Variants in MNAT1 observed in about 807,000 individuals in gnomAD.
The protein encoded by MNAT1 is CDK-activating kinase assembly factor MAT1.
A neutral mutation model predicts 42.0 loss-of-function variants in MNAT1; 43 were observed. The ratio of observed to expected loss-of-function variants is 1.02; its 90% CI spans 0.80 to 1.32. The LOEUF (loss-of-function observed/expected upper bound fraction) is 1.32, where lower values mean the gene tolerates loss of function less well. Among genes scored for constraint, MNAT1 ranks in the 40% most tolerant of loss-of-function variants. MNAT1 has a pLI of 0.00. For synonymous variants in MNAT1, 118 were observed against 120.0 expected, an observed-to-expected ratio of 0.98 and a Z score of 0.11; for missense variants, 306 against 350.4, an observed-to-expected ratio of 0.87 and a Z score of 1.01.
intron 7 of MNAT1, among the ~76,000 whole-genome samples, chr14:60,906,662 C>G (rs747450275): frequency 1.3e-5 from 2 of 152,034 alleles, no homozygotes; most frequent in African/African-American, 2.4e-5. Context: ...AACAACAAAG[C>G]TGCAAGCAAT....
chr14:60,805,135 A>G (rs78551464), intron 3 of MNAT1, among the ~76,000 whole-genome samples: 1,993 of 152,214 alleles, frequency 0.013, 44 homozygotes, highest in African/African-American at 0.046. Flanking sequence ...AGTAATTATA[A>G]ATGTTGGGTA....
chr14:60,825,970 A>G (rs2033041448), intron 6 of MNAT1, among the ~76,000 whole-genome samples: 1 of 152,200 alleles, frequency 6.6e-6, no homozygotes, highest in Non-Finnish European at 1.5e-5. Flanking sequence ...CTGGAAATAG[A>G]TCCTTTGAGA....
Position 60,927,140 on chromosome 14 carries a change from G to T in MNAT1, c.810-41089G>T, listed in dbSNP as rs4151357. On this transcript the variant is annotated intron_variant, in intron 7 of 7. Coordinates refer to ENST00000261245, the MANE Select transcript of MNAT1 (RefSeq NM_002431.4). ...GTTCAAAAGGAAAACTATATCTTCT[G>T]ACTTGATGTGGGCCTTCTTGAGATA... Among the ~76,000 whole-genome samples the T allele has an allele frequency of 7.3e-3, 1,110 of 152,258 alleles. 14 individuals carry two copies. Among genetic ancestry groups the T allele is most frequent in the African/African-American group, 0.025 (1,059 of 41,546 alleles).
At chr14:60,840,052 G>A (rs1290434574) in intron 6 of MNAT1, among the ~76,000 whole-genome samples, 1 of 152,234 alleles carries the variant, frequency 6.6e-6, no homozygotes, top group African/African-American at 2.4e-5. Context: ...GCGGCATCCT[G>A]CGGATCCCTA....
chr14:60,812,604 C>G (rs2032587096), intron 5 of MNAT1, among the ~76,000 whole-genome samples: 1 of 152,212 alleles, frequency 6.6e-6, no homozygotes, highest in South Asian at 2.1e-4. Context: ...CCCCACTCTT[C>G]ACCTATTTTA....
intron 7 of MNAT1, among the ~76,000 whole-genome samples, chr14:60,900,111 T>C (rs4902015): frequency 0.94 from 141,834 of 150,560 alleles, 67,135 homozygotes; most frequent in Non-Finnish European, 0.99. Flanking sequence ...TTCCCTGAGA[T>C]GCAGCAATAT....
chr14:60,885,072 A>G (rs980228344), intron 7 of MNAT1, among the ~76,000 whole-genome samples: 2 of 151,610 alleles, frequency 1.3e-5, no homozygotes, highest in Non-Finnish European at 2.9e-5. Context: ...CCTCCATTCT[A>G]TGTTATTTGT....
chr14:60,811,840 A>G (rs2032554863), intron 4 of MNAT1, 147 bp from the exon 5 acceptor site: 3 of 528,836 alleles, frequency 5.7e-6, no homozygotes, highest in South Asian at 5.7e-5. Context: ...AGTAAATTCT[A>G]TTTTCTTCAA....
intron 7 of MNAT1, among the ~76,000 whole-genome samples, chr14:60,897,665 T>G (rs1301431720): frequency 6.6e-6 from 1 of 152,160 alleles, no homozygotes; most frequent in African/African-American, 2.4e-5. Flanking sequence ...TATTTTTACA[T>G]GCATAGAATG....
At chr14:60,847,360 C>G (rs903102802) in intron 6 of MNAT1, among the ~76,000 whole-genome samples, 1 of 148,850 alleles carries the variant, frequency 6.7e-6, no homozygotes, top group Non-Finnish European at 1.5e-5. Context: ...GCCAAGATCG[C>G]ACCACTGCAG....
At chr14:60,946,552 AT>A (rs1217038298) in intron 7 of MNAT1, among the ~76,000 whole-genome samples, 1 of 148,400 alleles carries the variant, frequency 6.7e-6, no homozygotes, top group Non-Finnish European at 1.5e-5. Flanking sequence ...TCTTCCTCTG[AT>A]TTCTTCTGAA....
chr14:60,941,396 T>G (rs1226339793), intron 7 of MNAT1, among the ~76,000 whole-genome samples: 1 of 152,180 alleles, frequency 6.6e-6, no homozygotes, highest in Non-Finnish European at 1.5e-5. Context: ...AAGATTTACC[T>G]TGTTAAGAAA....
intron 6 of MNAT1, among the ~76,000 whole-genome samples, chr14:60,871,602 G>GCC (rs1326694009): frequency 6.6e-6 from 1 of 150,502 alleles, no homozygotes; most frequent in Non-Finnish European, 1.5e-5. Context: ...GGGTCATTTT[G>GCC]TCTTTTTATT....
At chr14:60,803,111 A>G (rs556723460) in intron 3 of MNAT1, among the ~76,000 whole-genome samples, 110 of 150,170 alleles carry the variant, frequency 7.3e-4, no homozygotes, top group African/African-American at 2.6e-3. Context: ...TTTTTTTTGT[A>G]TTTTTAGTAG....
intron 7 of MNAT1, among the ~76,000 whole-genome samples, chr14:60,917,205 C>A (rs2035539900): frequency 6.6e-6 from 1 of 152,126 alleles, no homozygotes; most frequent in South Asian, 2.1e-4. Flanking sequence ...GTTGGCGTAG[C>A]CTCAGGCAAA....
intron 1 of MNAT1, among the ~76,000 whole-genome samples, chr14:60,791,783 C>T (rs1019419748): frequency 1.3e-5 from 2 of 152,032 alleles, no homozygotes; most frequent in Non-Finnish European, 2.9e-5. Flanking sequence ...TTTAAAATTA[C>T]AAATATCTGG....
chr14:60,831,512 CT>C (rs1229718943), intron 6 of MNAT1, among the ~76,000 whole-genome samples: 4 of 152,200 alleles, frequency 2.6e-5, no homozygotes, highest in South Asian at 4.1e-4. Context: ...TGACCTCATC[CT>C]TTTTTATGGC....
At chr14:60,924,450 T>G (rs1202407289) in intron 7 of MNAT1, among the ~76,000 whole-genome samples, 4 of 149,560 alleles carry the variant, frequency 2.7e-5, no homozygotes, top group East Asian at 3.9e-4. Context: ...TAGATTAAGG[T>G]GGGGAAGCAT....
At chr14:60,920,906 CTCTT>C (rs753092972) in intron 7 of MNAT1, among the ~76,000 whole-genome samples, 8 of 152,126 alleles carry the variant, frequency 5.3e-5, no homozygotes, top group East Asian at 1.9e-4. Flanking sequence ...AGCTTGGTGA[CTCTT>C]TCAACCTTTC....
Sources: gnomAD v4.1 joint callset for allele counts (sites outside exome capture counted in the v4.1 genomes callset) on GRCh38, gnomAD v4.1.1 for gene constraint, MANE v1.5 for transcripts, NCBI Gene and HGNC (gene_info 2026-07-23, HGNC 2026-07-21) for gene names.